SRRM4: variants seen among roughly 807,000 people sequenced by gnomAD.
The protein encoded by SRRM4 is serine/arginine repetitive matrix 4, also known as serine/arginine repetitive matrix protein 4.
In SRRM4, 33 loss-of-function variants were observed where a neutral mutation model predicts 68.9. The ratio of observed to expected loss-of-function variants is 0.48; its 90% CI spans 0.36 to 0.64. The LOEUF is 0.64. Among genes scored for constraint, SRRM4 ranks in the 30% least tolerant of loss-of-function variants. The pLI, the probability that SRRM4 is intolerant of heterozygous loss-of-function variation, is 0.00. For synonymous variants in SRRM4, 318 were observed against 318.8 expected (o/e 1.00, Z 0.03); for missense variants, 817 against 827.1 (o/e 0.99, Z 0.15).
intron 2 of SRRM4, among the ~76,000 whole-genome samples, chr12:119,105,905 G>C (rs1383781596): frequency 2.0e-5 from 3 of 152,188 alleles, no homozygotes; most frequent in Admixed American, 2.0e-4. Context: ...CCATGCCTAT[G>C]TCCTGAATGG....
chr12:119,098,474 A>T (rs1954058204), intron 1 of SRRM4, among the ~76,000 whole-genome samples: 1 of 152,184 alleles, frequency 6.6e-6, no homozygotes. Context: ...TCTTTGGCCA[A>T]TTTTTTACCA....
At chr12:119,130,409 AGATGGATGGATGGATG>A (rs71069491) in intron 7 of SRRM4, among the ~76,000 whole-genome samples, 1 of 142,422 alleles carries the variant, frequency 7.0e-6, no homozygotes, top group African/African-American at 2.8e-5. Context: ...TTGCTTAGAC[AGATGGATGGATGGATG>A]GATGGATGGA....
chr12:119,011,944 C>T (rs780719951), intron 1 of SRRM4, among the ~76,000 whole-genome samples: 14 of 152,150 alleles, frequency 9.2e-5, no homozygotes, highest in Non-Finnish European at 1.8e-4. Context: ...TGGTAGTGTC[C>T]ACCTCATAGG....
At chr12:119,045,852 A>G (rs1190200538) in intron 1 of SRRM4, among the ~76,000 whole-genome samples, 1 of 152,024 alleles carries the variant, frequency 6.6e-6, no homozygotes, top group Non-Finnish European at 1.5e-5. Context: ...AGCCTGGCCA[A>G]TATGGTAAAA....
rs35250419 is a variant in SRRM4, at chr12:118,998,268, C to CAAAAAAAAAAAAAAAA, written c.131+16271_131+16286dup. ...AACTGAGTGGATAAGAGCAATATGG[C>CAAAAAAAAAAAAAAAA]AAAAAAAAAAAAAAAAAAAAAAAAA... is the stretch of plus-strand genomic sequence containing the variant. On this transcript the variant is annotated intron_variant, in intron 1 of 12. Coordinates refer to ENST00000267260, the MANE Select transcript of SRRM4 (RefSeq NM_194286.4). Among the ~76,000 whole-genome samples, 27 of 36,582 alleles carry CAAAAAAAAAAAAAAAA rather than the reference C, an allele frequency of 7.4e-4. 5 individuals are homozygous for CAAAAAAAAAAAAAAAA. Among genetic ancestry groups the CAAAAAAAAAAAAAAAA allele is most frequent in the South Asian group, 1.7e-3 (1 of 574 alleles). The allele number at this position is 36,582 out of a possible 152,430, so 24.0% of individuals were successfully genotyped here.
At chr12:119,047,426 C>G (rs1953714714) in intron 1 of SRRM4, among the ~76,000 whole-genome samples, 1 of 152,056 alleles carries the variant, frequency 6.6e-6, no homozygotes, top group African/African-American at 2.4e-5. Context: ...TTTTGGTGCA[C>G]CCATCACTGG....
intron 1 of SRRM4, among the ~76,000 whole-genome samples, chr12:119,093,033 G>T (rs1954023392): frequency 6.6e-6 from 1 of 152,102 alleles, no homozygotes; most frequent in South Asian, 2.1e-4. Flanking sequence ...CATGCTCAAG[G>T]CTCACTCCCT....
chr12:119,006,997 G>C (rs1002915867), intron 1 of SRRM4, among the ~76,000 whole-genome samples: 10 of 152,232 alleles, frequency 6.6e-5, no homozygotes, highest in African/African-American at 2.4e-4. Flanking sequence ...CCTGCTGGCA[G>C]ATGGTCTCCT....
intron 1 of SRRM4, among the ~76,000 whole-genome samples, chr12:119,014,770 A>G (rs530668809): frequency 2.0e-5 from 3 of 152,268 alleles, no homozygotes; most frequent in South Asian, 2.1e-4. Flanking sequence ...TTTCTGCTTC[A>G]TAAGAGACCA....
intron 1 of SRRM4, among the ~76,000 whole-genome samples, chr12:119,045,832 G>A (rs1432362632): frequency 6.6e-6 from 1 of 152,014 alleles, no homozygotes; most frequent in Non-Finnish European, 1.5e-5. Flanking sequence ...GAGGTCAGGA[G>A]TTCAAGACCA....
At chr12:119,075,164 C>G (rs1040146446) in intron 1 of SRRM4, among the ~76,000 whole-genome samples, 2 of 152,126 alleles carry the variant, frequency 1.3e-5, no homozygotes, top group Non-Finnish European at 2.9e-5. Context: ...TTAATTGGTT[C>G]AAAACTTTGA....
intron 1 of SRRM4, among the ~76,000 whole-genome samples, chr12:118,984,006 G>A (rs1391399914): frequency 6.6e-6 from 1 of 152,110 alleles, no homozygotes; most frequent in Non-Finnish European, 1.5e-5. Flanking sequence ...CATAAGCCCT[G>A]GATTTATGTC....
intron 8 of SRRM4, among the ~76,000 whole-genome samples, chr12:119,141,382 T>C (rs540280096): frequency 2.6e-5 from 4 of 152,324 alleles, no homozygotes; most frequent in Non-Finnish European, 2.9e-5. Context: ...TCCAAAAATA[T>C]GTACATCTAT....
chr12:119,108,260 G>A (rs538660925), intron 2 of SRRM4, among the ~76,000 whole-genome samples: 1 of 152,332 alleles, frequency 6.6e-6, no homozygotes, highest in African/African-American at 2.4e-5. Flanking sequence ...TGGAATAAGT[G>A]CGATGTGGTG....
At position 118,981,966 on chromosome 12, in the gene SRRM4, C is replaced by T. The variant is rs1292024895; in HGVS notation, c.84C>T (p.Pro28=). 6.2e-7 allele frequency: 1 copy of T among 1,611,994 alleles called. No individual in the cohort carries two copies. The highest frequency in any genetic ancestry group is 1.7e-5 in the Admixed American group (1 of 59,790). The change falls in exon 1 of 13, where the codon CCC becomes CCT. Residue 28 remains proline, a synonymous_variant. Coordinates refer to ENST00000267260, the MANE Select transcript of SRRM4 (RefSeq NM_194286.4). ...GTFKAVATPR[P]ESIIVASITA... is the part of the protein sequence containing the mutation. ...TCAAAGCGGTGGCCACCCCCCGTCCCGAGAGCATCATTGTCGCCAGTATCA... is the reference window on the plus strand; with the variant it reads ...TCAAAGCGGTGGCCACCCCCCGTCCTGAGAGCATCATTGTCGCCAGTATCA...
At chr12:119,119,544 A>C (rs11612089) in intron 4 of SRRM4, among the ~76,000 whole-genome samples, 14,096 of 151,822 alleles carry the variant, frequency 0.093, 810 homozygotes, top group African/African-American at 0.15. Flanking sequence ...AAGAATGAGA[A>C]GAAGCTACAT....
At chr12:119,088,637 C>T (rs757368157) in intron 1 of SRRM4, among the ~76,000 whole-genome samples, 4 of 149,032 alleles carry the variant, frequency 2.7e-5, no homozygotes, top group Non-Finnish European at 5.9e-5. Flanking sequence ...GATGCTGGAA[C>T]ACAGTGCAGT....
chr12:118,996,371 C>G (rs533308413), intron 1 of SRRM4, among the ~76,000 whole-genome samples: 1 of 152,062 alleles, frequency 6.6e-6, no homozygotes, highest in Non-Finnish European at 1.5e-5. Flanking sequence ...ATGCTATGAC[C>G]CTTTTTCACT....
intron 11 of SRRM4, 105 bp downstream of exon 11, chr12:119,153,754 G>C (rs971484496): frequency 2.5e-6 from 2 of 795,930 alleles, no homozygotes; most frequent in Non-Finnish European, 4.1e-6. Context: ...CTTCCTCTTA[G>C]GTCTGACCCT....
Sources: gnomAD v4.1 joint callset for allele counts (sites outside exome capture counted in the v4.1 genomes callset) on GRCh38, gnomAD v4.1.1 for gene constraint, MANE v1.5 for transcripts, NCBI Gene and HGNC (gene_info 2026-07-23, HGNC 2026-07-21) for gene names.